Variants in RETREG2 observed in about 807,000 individuals in gnomAD.
RETREG2 encodes reticulophagy regulator 2.
Under a neutral mutation model 51.6 loss-of-function variants are expected in RETREG2, and 21 were observed. That is an observed-to-expected ratio of 0.41 (90% CI 0.29 to 0.59). The LOEUF (loss-of-function observed/expected upper bound fraction) is 0.59. Ranked by LOEUF, RETREG2 falls within the 20% of genes least tolerant of loss-of-function variation. The pLI, the probability that RETREG2 is intolerant of heterozygous loss-of-function variation, is 0.34. For missense variants in RETREG2, 674 were observed against 646.0 expected (o/e 1.04, Z -0.47); for synonymous variants, 339 against 288.6 (o/e 1.17, Z -1.77).
In RETREG2 at chr2:219,178,955, C is replaced by G; in HGVS notation, c.315C>G (p.Phe105Leu). ...CTTCCTCGTCCCTCCGGCCCTTCTT[C>G]CTACTCAGCGTCTCACTTTTGGCCT... The part of the protein sequence containing the change: ...LLSSSSLRPF[F>L]LLSVSLLAYF... The change falls in exon 2 of 9, where the codon TTC (phenylalanine) becomes TTG (leucine). Residue 105 changes from phenylalanine (F) to leucine (L), a missense_variant. Transcript: ENST00000430297. 3.1e-6 allele frequency: 5 copies of G among 1,614,098 alleles called. No homozygotes were observed. Among genetic ancestry groups the G allele is most frequent in the Non-Finnish European group, 4.2e-6 (5 of 1,179,974 alleles).
chr2:219,178,890 A>T (rs1198501481), intron 1 of RETREG2, 32 bp from the exon 2 acceptor site: 1 of 1,490,934 alleles, frequency 6.7e-7, no homozygotes, highest in East Asian at 2.3e-5. Context: ...TGTCTCACCC[A>T]CTCACTGCTG....
chr2:219,181,204 G>A lies in RETREG2; in HGVS notation c.783G>A (p.Arg261=). ...ANALHHKHDK[R]KRQGKNAPPG... is the part of the protein sequence containing the mutation. ...CCCTGCATCACAAACACGACAAGAGGAGTAAGGGGCTGCCCTAAGCCAGGA... is the reference window on the plus strand; with the variant it reads ...CCCTGCATCACAAACACGACAAGAGAAGTAAGGGGCTGCCCTAAGCCAGGA... The change falls in exon 6 of 9, where the codon AGG becomes AGA. Residue 261 remains arginine, a splice_region_variant and synonymous_variant. Transcript: ENST00000430297. 1.2e-6 allele frequency: 2 copies of A among 1,614,090 alleles called. No homozygotes were observed. Among genetic ancestry groups the A allele is most frequent in the Non-Finnish European group, 1.7e-6 (2 of 1,180,026 alleles).
chr2:219,180,866 C>A (rs1950268661), intron 5 of RETREG2, 112 bp downstream of exon 5: 2 of 1,383,132 alleles, frequency 1.4e-6, no homozygotes, highest in Non-Finnish European at 2.0e-6. Flanking sequence ...TTGTGGAGAT[C>A]TCCAGGGATG....
intron 2 of RETREG2, among the ~76,000 whole-genome samples, chr2:219,179,377 G>A (rs1270565726): frequency 1.3e-5 from 2 of 152,204 alleles, no homozygotes; most frequent in Admixed American, 6.5e-5. Flanking sequence ...TCATAGAGAG[G>A]TGAGGAGAGG....
chr2:219,178,585 A>G lies in RETREG2; in HGVS notation c.233A>G (p.Lys78Arg). The G allele has an allele frequency of 2.7e-6, 4 of 1,462,664 alleles. No individual in the cohort carries two copies. Among genetic ancestry groups the G allele is most frequent in the Non-Finnish European group, 2.7e-6 (3 of 1,115,928 alleles). 90.6% of individuals were successfully genotyped at this position (1,462,664 alleles called of 1,614,324 possible). A position where few individuals can be genotyped will look rare whatever the true frequency, so the allele number is the denominator to read the frequency against. Residue 78 changes from lysine to arginine, a missense_variant, in exon 1 of 9, where the codon AAG becomes AGG. Lys to Arg is a conservative substitution (Grantham distance 26). Transcript: ENST00000430297. ...GCGCAGCGGTTGCTGGTGTGGGAGA[A>G]GCCGCTGCACAGCCTGGTCACGGCG... is the stretch of plus-strand genomic sequence containing the variant. ...AAAQRLLVWE[K>R]PLHSLVTAAA...
rs1950256043 is a variant in RETREG2 at position 219,180,106 on chromosome 2, C to CTTAAG, written c.420-4_420-3insTTAAG. 6.2e-7 allele frequency: 1 copy of CTTAAG among 1,613,792 alleles called. No homozygotes were observed. Among genetic ancestry groups the CTTAAG allele is most frequent in the Non-Finnish European group, 8.5e-7 (1 of 1,179,976 alleles). ...CCTCCAGGGGTCATGTCATGTCTCC[C>CTTAAG]CAGTGAGGGTGCGGGGTCAGGCGCC... On this transcript the variant is annotated splice_polypyrimidine_tract_variant and splice_region_variant and intron_variant, in intron 3 of 8. Transcript: ENST00000430297.
intron 4 of RETREG2, 88 bp downstream of exon 4, chr2:219,180,333 C>T (rs571046093): frequency 3.6e-5 from 54 of 1,520,656 alleles, no homozygotes; most frequent in Non-Finnish European, 4.4e-5. Flanking sequence ...ATAAACTCCC[C>T]GCTTGGAGAC....
At position 219,182,076 on chromosome 2, in the gene RETREG2, G is replaced by A. The variant is rs780058753; in HGVS notation, c.1079G>A (p.Gly360Glu). 1 of 1,614,170 alleles carries A rather than the reference G, an allele frequency of 6.2e-7. No homozygotes were observed. The highest frequency in any genetic ancestry group is 1.1e-5 in the South Asian group (1 of 91,080). The change falls in exon 9 of 9, where the codon GGA (glycine) becomes GAA (glutamate). Residue 360 changes from glycine (G) to glutamate (E), a missense_variant. Physicochemically the swap from Gly to Glu is moderately conservative, Grantham distance 98 (BLOSUM62 -2). Coordinates refer to ENST00000430297, the MANE Select transcript of RETREG2 (RefSeq NM_024293.6). ...EETLSRDLGEGEEGELAPPED... is the reference protein window; with the variant it reads ...EETLSRDLGEEEEGELAPPED... ...ACCCTAAGCCGGGACCTAGGGGAGGGAGAGGAGGGAGAGCTGGCCCCTCCC... is the reference window on the plus strand; with the variant it reads ...ACCCTAAGCCGGGACCTAGGGGAGGAAGAGGAGGGAGAGCTGGCCCCTCCC...
rs756581694 is a variant in RETREG2 at position 219,181,047 on chromosome 2, G to A, written c.641-15G>A. On this transcript the variant is annotated splice_polypyrimidine_tract_variant and intron_variant, in intron 5 of 8. Transcript: ENST00000430297. ...TTGGCGTAGGGAGCTCTTAGTTCAC[G>A]TTCTTAACCCATAGTGTTGAGTATC... 9.3e-6 allele frequency: 15 copies of A among 1,613,332 alleles called. No individual in the cohort carries two copies. In the Admixed American group the frequency reaches 1.0e-4, roughly 11 times the overall value.
chr2:219,184,831 T>TTTTTTTTG lies in RETREG2; in HGVS notation c.*2209_*2210insGTTTTTTT, dbSNP rs1256514349. 3 of 135,218 alleles carry TTTTTTTTG rather than the reference T, an allele frequency of 2.2e-5. No individual in the cohort carries two copies. Among genetic ancestry groups the TTTTTTTTG allele is most frequent in the Non-Finnish European group, 3.3e-5 (2 of 61,520 alleles). The allele number at this position is 135,218 out of a possible 1,614,324, so 8.4% of individuals were successfully genotyped here. On this transcript the variant is annotated 3_prime_UTR_variant, in exon 9 of 9. Transcript: ENST00000430297. ...GGTTTTTTGTTTTTTGTGGGTTTTT[T>TTTTTTTTG]TTTTTTTTTTTTTGAGACGGAGTCT...
intron 2 of RETREG2, 122 bp from the exon 3 acceptor site, chr2:219,179,611 C>A (rs1316662560): frequency 1.2e-6 from 1 of 855,346 alleles, no homozygotes; most frequent in South Asian, 1.4e-5. Flanking sequence ...TGTAACAGCT[C>A]CCCCATTGGC....
At chr2:219,180,976 TCAG>T in intron 5 of RETREG2, 83 bp from the exon 6 acceptor site, 1 of 1,571,020 alleles carries the variant, frequency 6.4e-7, no homozygotes, top group Non-Finnish European at 8.7e-7. Flanking sequence ...TTGCCTACCT[TCAG>T]CACTTCAGTT....
Position 219,184,836 on chromosome 2 carries a change from T to TTTTTTTTTG in RETREG2, c.*2208_*2216dup. ...TTTGTTTTTTGTGGGTTTTTTTTTTTTTTTTTTTGAGACGGAGTCTTGTTC... is the reference window on the plus strand; with the variant it reads ...TTTGTTTTTTGTGGGTTTTTTTTTTTTTTTTTTTGTTTTTTTTGAGACGGAGTCTTGTTC... On this transcript the variant is annotated 3_prime_UTR_variant, in exon 9 of 9. Transcript: ENST00000430297. The TTTTTTTTTG allele has an allele frequency of 7.2e-6, 1 of 138,734 alleles. No homozygotes were observed. The highest frequency in any genetic ancestry group is 3.6e-3 in the Middle Eastern group (1 of 276). 8.6% of individuals were successfully genotyped at this position (138,734 alleles called of 1,614,324 possible).
chr2:219,180,732 G>A lies in RETREG2; in HGVS notation c.618G>A (p.Gly206=), dbSNP rs2293072. ...VLAVLGHYVP[G]IMISYIVLLS... is the part of the protein sequence containing the mutation. ...CTGTGTTGGGACACTATGTTCCAGG[G>A]ATTATGATTTCCTACATTGTCTGTG... Residue 206 remains glycine, a synonymous_variant, in exon 5 of 9, where the codon GGG becomes GGA. Coordinates refer to ENST00000430297, the MANE Select transcript of RETREG2 (RefSeq NM_024293.6). 0.061 allele frequency: 97,847 copies of A among 1,613,754 alleles called. 8,586 individuals are homozygous for A. The highest frequency in any genetic ancestry group is 0.48 in the East Asian group (21,724 of 44,864).
At chr2:219,179,172 C>A in intron 2 of RETREG2, 144 bp downstream of exon 2, 1 of 720,070 alleles carries the variant, frequency 1.4e-6, no homozygotes, top group East Asian at 2.5e-5. Flanking sequence ...ACGGAATTCC[C>A]TAAAATGAGA....
At chr2:219,180,634 A>T (rs1317113235) in intron 4 of RETREG2, 36 bp from the exon 5 acceptor site, 1 of 1,614,002 alleles carries the variant, frequency 6.2e-7, no homozygotes, top group Non-Finnish European at 8.5e-7. Flanking sequence ...CGCATATCTC[A>T]GCGTGATGTT....
intron 2 of RETREG2, among the ~76,000 whole-genome samples, 180 bp downstream of exon 2, chr2:219,179,208 A>G (rs768699549): frequency 3.9e-5 from 6 of 152,052 alleles, no homozygotes; most frequent in Non-Finnish European, 7.4e-5. Flanking sequence ...AACTAATACT[A>G]CTGTAGGTGC....
chr2:219,184,711 C>G lies in RETREG2; in HGVS notation c.*2082C>G, dbSNP rs1358498841. ...AATCTATTTTCTTATTAAGCTTGGA[C>G]ATTGACAATAGAACCAGAAGCTTGT... On this transcript the variant is annotated 3_prime_UTR_variant, in exon 9 of 9. Coordinates refer to ENST00000430297, the MANE Select transcript of RETREG2 (RefSeq NM_024293.6). The G allele has an allele frequency of 2.0e-5, 3 of 151,944 alleles. No individual in the cohort carries two copies. The highest frequency in any genetic ancestry group is 2.9e-5 in the Non-Finnish European group (2 of 68,006). The allele number at this position is 151,944 out of a possible 1,614,324, so 9.4% of individuals were successfully genotyped here. A position where few individuals can be genotyped will look rare whatever the true frequency, so the allele number is the denominator to read the frequency against.
At chr2:219,180,394 C>T in intron 4 of RETREG2, 149 bp downstream of exon 4, 4 of 1,120,218 alleles carry the variant, frequency 3.6e-6, no homozygotes, top group Non-Finnish European at 5.1e-6. Context: ...CACAGCTAAT[C>T]CCTGGTGCAG....
Sources: gnomAD v4.1 joint callset for allele counts (sites outside exome capture counted in the v4.1 genomes callset) on GRCh38, gnomAD v4.1.1 for gene constraint, MANE v1.5 for transcripts, NCBI Gene and HGNC (gene_info 2026-07-23, HGNC 2026-07-21) for gene names.